The following EBF1 variants were observed in gnomAD, a reference collection of about 807,000 sequenced individuals.
EBF1 encodes transcription factor COE1.
Under a neutral mutation model 68.4 loss-of-function variants are expected in EBF1, and 10 were observed. The ratio of observed to expected loss-of-function variants is 0.15; its 90% CI spans 0.09 to 0.25. The LOEUF is 0.25. EBF1 is among the 10% of genes least tolerant of loss of function. EBF1 has a pLI of 1.00. For missense variants in EBF1, 509 were observed against 794.4 expected (o/e 0.64, Z 4.32); for synonymous variants, 298 against 299.8 (o/e 0.99, Z 0.06).
chr5:158,815,106 G>T (rs2127814168), intron 8 of EBF1, among the ~76,000 whole-genome samples: 1 of 152,284 alleles, frequency 6.6e-6, no homozygotes, highest in Middle Eastern at 3.4e-3. Context: ...AGATTAGAGT[G>T]CAGACTTCAG....
At chr5:158,928,451 G>GA (rs910584674) in intron 6 of EBF1, among the ~76,000 whole-genome samples, 7 of 152,012 alleles carry the variant, frequency 4.6e-5, no homozygotes, top group South Asian at 2.1e-4. Flanking sequence ...TGATTCTTAT[G>GA]AAAAAAAATA....
chr5:158,949,039 AAATGCC>A (rs1276356699), intron 6 of EBF1, among the ~76,000 whole-genome samples: 1 of 152,164 alleles, frequency 6.6e-6, no homozygotes, highest in Non-Finnish European at 1.5e-5. Context: ...TATTTTCTGG[AAATGCC>A]AATGGATTTC....
intron 6 of EBF1, among the ~76,000 whole-genome samples, chr5:158,987,472 C>A (rs1194564768): frequency 6.6e-6 from 1 of 152,174 alleles, no homozygotes; most frequent in African/African-American, 2.4e-5. Context: ...CCCATTATTT[C>A]ATTTGATCCT....
intron 6 of EBF1, among the ~76,000 whole-genome samples, chr5:158,946,184 T>C (rs1186398122): frequency 9.2e-5 from 14 of 152,192 alleles, no homozygotes; most frequent in Admixed American, 9.2e-4. Flanking sequence ...CCTACTTCTG[T>C]CAATTCGTCA....
intron 5 of EBF1, among the ~76,000 whole-genome samples, chr5:159,076,683 T>C (rs1048913113): frequency 6.6e-6 from 1 of 152,190 alleles, no homozygotes; most frequent in African/African-American, 2.4e-5. Flanking sequence ...TCCTGTTTCT[T>C]GGGTCATATC....
chr5:159,075,546 G>T (rs939935728), intron 5 of EBF1, among the ~76,000 whole-genome samples: 4 of 152,114 alleles, frequency 2.6e-5, no homozygotes, highest in Non-Finnish European at 5.9e-5. Context: ...CCATGCACAA[G>T]GGTCTGTTTT....
intron 9 of EBF1, among the ~76,000 whole-genome samples, chr5:158,791,148 G>A (rs745833886): frequency 4.6e-5 from 7 of 151,758 alleles, no homozygotes; most frequent in African/African-American, 9.7e-5. Flanking sequence ...GCAAAACCCC[G>A]TCTCTACTAA....
chr5:158,896,426 T>C (rs1802192569), intron 6 of EBF1, among the ~76,000 whole-genome samples: 1 of 152,200 alleles, frequency 6.6e-6, no homozygotes, highest in Non-Finnish European at 1.5e-5. Context: ...TCAATAATAG[T>C]AATCGCTACC....
chr5:159,089,752 T>A (rs1781293652), intron 4 of EBF1, among the ~76,000 whole-genome samples: 1 of 137,916 alleles, frequency 7.3e-6, no homozygotes, highest in Non-Finnish European at 1.6e-5. Context: ...AGGAAACTTA[T>A]CATCATTAGT....
At chr5:159,086,335 AG>A (rs941006022) in intron 4 of EBF1, among the ~76,000 whole-genome samples, 1 of 152,216 alleles carries the variant, frequency 6.6e-6, no homozygotes, top group African/African-American at 2.4e-5. Flanking sequence ...TATCTAAATC[AG>A]AAAATTAACA....
chr5:159,076,766 C>T (rs1213451046), intron 5 of EBF1, among the ~76,000 whole-genome samples: 1 of 152,092 alleles, frequency 6.6e-6, no homozygotes, highest in Non-Finnish European at 1.5e-5. Flanking sequence ...ATAATGTCTG[C>T]TACAAAATAA....
chr5:158,726,944 GC>G (rs1179439908), intron 11 of EBF1, among the ~76,000 whole-genome samples: 1 of 152,208 alleles, frequency 6.6e-6, no homozygotes, highest in Non-Finnish European at 1.5e-5. Context: ...GGGATTAGTG[GC>G]CCCCATTTAC....
chr5:159,084,474 T>C (rs1192071925), intron 5 of EBF1, among the ~76,000 whole-genome samples, 192 bp downstream of exon 5: 2 of 151,604 alleles, frequency 1.3e-5, no homozygotes, highest in African/African-American at 4.9e-5. Flanking sequence ...ATCTAATAAA[T>C]AATTAAGAAC....
rs191423477 is a variant in EBF1, at chr5:158,757,258, G to T, written c.1036+20155C>A. On this transcript the variant is annotated intron_variant, in intron 10 of 15. Transcript: ENST00000313708. ...GGCTCTCTGCTGGGTAACCCATAGTGATCAGTACAATACCACCCTGTTTCC... is the reference window on the plus strand; with the variant it reads ...GGCTCTCTGCTGGGTAACCCATAGTTATCAGTACAATACCACCCTGTTTCC... 2.3e-4 allele frequency among the ~76,000 whole-genome samples: 35 copies of T among 152,250 alleles called. No homozygotes were observed. In the East Asian group the frequency reaches 6.8e-3, roughly 29 times the overall value.
At chr5:159,061,119 A>T (rs73818927) in intron 6 of EBF1, among the ~76,000 whole-genome samples, 9,281 of 151,726 alleles carry the variant, frequency 0.061, 975 homozygotes, top group African/African-American at 0.21. Flanking sequence ...GGTATTTCTT[A>T]ATTATTATTA....
chr5:158,778,324 T>C lies in EBF1; in HGVS notation c.910-785A>G, dbSNP rs374727705. ...TAATGGCCATAAAACTGGCATTATC[T>C]GGTTCTTTGAAAAATCCAGCCCTGG... On this transcript the variant is annotated intron_variant, in intron 9 of 15. Coordinates refer to ENST00000313708, the MANE Select transcript of EBF1 (RefSeq NM_024007.5). 2.2e-3 allele frequency among the ~76,000 whole-genome samples: 332 copies of C among 152,312 alleles called. 4 individuals are homozygous for C. The highest frequency in any genetic ancestry group is 7.8e-3 in the African/African-American group (325 of 41,582).
At chr5:158,841,325 A>G (rs1790297611) in intron 6 of EBF1, among the ~76,000 whole-genome samples, 1 of 152,188 alleles carries the variant, frequency 6.6e-6, no homozygotes, top group African/African-American at 2.4e-5. Flanking sequence ...TGGGGCATTC[A>G]TGTCTACCAC....
chr5:158,808,096 GT>G (rs1413097592), intron 8 of EBF1, among the ~76,000 whole-genome samples: 1 of 152,106 alleles, frequency 6.6e-6, no homozygotes, highest in African/African-American at 2.4e-5. Context: ...TCCAGCGTTT[GT>G]TACAGCACAG....
chr5:159,096,877 A>G, intron 2 of EBF1, 97 bp downstream of exon 2: 1 of 1,453,842 alleles, frequency 6.9e-7, no homozygotes, highest in Non-Finnish European at 9.2e-7. Context: ...TGTGTTATGG[A>G]TGCTTTGCAC....
Sources: allele counts gnomAD v4.1 joint callset (sites outside exome capture counted in the v4.1 genomes callset), GRCh38; gene constraint gnomAD v4.1.1; transcripts MANE v1.5; gene names NCBI Gene and HGNC (gene_info 2026-07-23, HGNC 2026-07-21).